The following NUP133 variants were observed in gnomAD, a reference collection of about 807,000 sequenced individuals.
The protein encoded by NUP133 is nuclear pore complex protein Nup133.
NUP133 carries 66 observed loss-of-function variants against 146.2 expected under a neutral mutation model. The observed-to-expected ratio is 0.45, with a 90% CI of 0.37 to 0.55. NUP133 has a LOEUF of 0.55. Ranked by LOEUF, NUP133 falls within the 20% of genes least tolerant of loss-of-function variation. The probability of loss-of-function intolerance (pLI) is 0.00; values close to 1 mark genes in which losing one functional copy is unlikely to be tolerated. For synonymous variants in NUP133, 521 were observed against 498.8 expected (o/e 1.04, Z -0.59); for missense variants, 1,277 against 1,374.8 (o/e 0.93, Z 1.12).
In NUP133 at chr1:229,465,420, C is replaced by T. The variant is rs61824300; in HGVS notation, c.2299G>A (p.Ala767Thr). The T allele has an allele frequency of 6.3e-7, 1 of 1,588,726 alleles. No individual in the cohort carries two copies. The change falls in exon 17 of 26, where the codon GCA (alanine) becomes ACA (threonine). Residue 767 changes from alanine to threonine, a missense_variant and splice_region_variant. Coordinates refer to ENST00000261396, the MANE Select transcript of NUP133 (RefSeq NM_018230.3). ...EKEPEYVPWT[A>T]TSGPGGIRTV... ...AACTGTTAATAAATCAGTATATTAC[C>T]CGTCCATGGAACATATTCAGGTTCT... is the stretch of plus-strand genomic sequence containing the variant.
rs1245190989 is a variant in NUP133 at position 229,508,211 on chromosome 1, G to A, written c.39C>T (p.Thr13=). 1.9e-6 allele frequency: 3 copies of A among 1,552,498 alleles called. No homozygotes were observed. Among genetic ancestry groups the A allele is most frequent in the South Asian group, 1.2e-5 (1 of 84,840 alleles). ...PAAPSPRTPG[T]GSRRGPLAGL... is the part of the protein sequence containing the mutation. ...CGGCCAGCGGGCCCCTTCGGGACCC[G>A]GTACCCGGGGTCCGCGGAGAAGGGG... Residue 13 remains threonine (T), a synonymous_variant, in exon 1 of 26, where the codon ACC becomes ACT. Coordinates refer to ENST00000261396, the MANE Select transcript of NUP133 (RefSeq NM_018230.3).
intron 9 of NUP133, 119 bp downstream of exon 9, chr1:229,489,836 A>G: frequency 1.2e-6 from 1 of 856,802 alleles, no homozygotes. Context: ...AGATCAAGCC[A>G]CTGCACTCCA....
intron 9 of NUP133, 37 bp from the exon 10 acceptor site, chr1:229,487,650 TA>T: frequency 6.8e-7 from 1 of 1,460,804 alleles, no homozygotes; most frequent in Non-Finnish European, 9.4e-7. Context: ...TAACAAGAAG[TA>T]AAACAAAAAT....
chr1:229,500,576 A>G (rs889375189), intron 4 of NUP133, among the ~76,000 whole-genome samples, 180 bp downstream of exon 4: 9 of 152,250 alleles, frequency 5.9e-5, no homozygotes, highest in Non-Finnish European at 2.9e-5. Context: ...ATGTGGATCT[A>G]TAACTGTATT....
At chr1:229,457,263 T>C (rs1396039704) in intron 21 of NUP133, among the ~76,000 whole-genome samples, 1 of 152,182 alleles carries the variant, frequency 6.6e-6, no homozygotes, top group Non-Finnish European at 1.5e-5. Flanking sequence ...AAATATATTG[T>C]TTTTAAAAAT....
chr1:229,451,485 A>C (rs747874438), intron 22 of NUP133, among the ~76,000 whole-genome samples: 20 of 152,244 alleles, frequency 1.3e-4, no homozygotes, highest in Non-Finnish European at 2.4e-4. Context: ...CATGTTACCA[A>C]CACTTATCCC....
intron 14 of NUP133, among the ~76,000 whole-genome samples, chr1:229,472,422 T>C (rs1372413147): frequency 6.6e-6 from 1 of 150,628 alleles, no homozygotes; most frequent in East Asian, 2.0e-4. Context: ...AAGCAATGGC[T>C]CTAGATTAAA....
chr1:229,484,550 C>T (rs112272322), intron 11 of NUP133, among the ~76,000 whole-genome samples: 2 of 152,226 alleles, frequency 1.3e-5, no homozygotes, highest in African/African-American at 4.8e-5. Context: ...CAAAGTCATA[C>T]AGAAAAGGTA....
At chr1:229,501,929 A>T (rs1661811378) in intron 3 of NUP133, 70 bp downstream of exon 3, 1 of 1,122,186 alleles carries the variant, frequency 8.9e-7, no homozygotes, top group Non-Finnish European at 1.3e-6. Context: ...TAAAAAAATT[A>T]GGGTAAAAAT....
At position 229,501,995 on chromosome 1, in the gene NUP133, T is replaced by C. The variant is rs1416668732; in HGVS notation, c.405+4A>G. On this transcript the variant is annotated splice_donor_region_variant and intron_variant, in intron 3 of 25. Coordinates refer to ENST00000261396, the MANE Select transcript of NUP133 (RefSeq NM_018230.3). ...CTTGTTCCAGCTCTCTAAAGAGCCA[T>C]TACCTTAGTAATAGGTGACAGAGCA... 1 of 1,597,820 alleles carries C rather than the reference T, an allele frequency of 6.3e-7. No homozygotes were observed. Among genetic ancestry groups the C allele is most frequent in the Non-Finnish European group, 8.6e-7 (1 of 1,165,200 alleles).
intron 24 of NUP133, among the ~76,000 whole-genome samples, chr1:229,448,241 A>C (rs1660358346): frequency 6.6e-6 from 1 of 152,128 alleles, no homozygotes; most frequent in Admixed American, 6.6e-5. Context: ...GCAGCCTGAC[A>C]AACATGGTGA....
chr1:229,499,115 G>C (rs928779750), intron 5 of NUP133: 14 of 460,504 alleles, frequency 3.0e-5, no homozygotes, highest in African/African-American at 2.6e-4. Flanking sequence ...GCGCAGGCTA[G>C]TCTTGAACTC....
chr1:229,465,892 C>CAAAAAAAAA (rs71561801), intron 16 of NUP133, among the ~76,000 whole-genome samples: 1 of 77,362 alleles, frequency 1.3e-5, no homozygotes. Context: ...CCATGTCTCA[C>CAAAAAAAAA]AAAAAAAAAA....
At position 229,477,748 on chromosome 1, in the gene NUP133, A is replaced by T. The variant is rs1661112787; in HGVS notation, c.1605T>A (p.Gly535=). The part of the protein sequence containing the change: ...AFLQYCRKDL[G]HAQMVVDELF... ...GCTCATCAACCACCATTTGAGCATG[A>T]CCTAAATCTTTTCTGAAATAAAATT... Residue 535 remains glycine, a synonymous_variant, in exon 13 of 26, where the codon GGT becomes GGA. Coordinates refer to ENST00000261396, the MANE Select transcript of NUP133 (RefSeq NM_018230.3). 22 of 1,605,166 alleles carry T rather than the reference A, an allele frequency of 1.4e-5. No homozygotes were observed. The highest frequency in any genetic ancestry group is 1.9e-5 in the Non-Finnish European group (22 of 1,175,462).
At position 229,506,467 on chromosome 1, in the gene NUP133, T is replaced by C. The variant is rs549447402; in HGVS notation, c.183-309A>G. ...GACCAGTGTTTTTTTTTTTTTTTTT[T>C]CAAACAGCGGGTCATTTTGCAGATC... On this transcript the variant is annotated intron_variant, in intron 1 of 25. Coordinates refer to ENST00000261396, the MANE Select transcript of NUP133 (RefSeq NM_018230.3). 2.8e-3 allele frequency among the ~76,000 whole-genome samples: 429 copies of C among 151,238 alleles called. 2 individuals are homozygous for C. The highest frequency in any genetic ancestry group is 9.1e-3 in the African/African-American group (376 of 41,272).
chr1:229,465,892 C>CAAAAAAAAAAAA (rs71561801), intron 16 of NUP133, among the ~76,000 whole-genome samples: 2 of 77,300 alleles, frequency 2.6e-5, no homozygotes, highest in African/African-American at 8.7e-5. Context: ...CCATGTCTCA[C>CAAAAAAAAAAAA]AAAAAAAAAA....
chr1:229,442,711 GTTCT>G (rs1267105327), intron 25 of NUP133, among the ~76,000 whole-genome samples: 2 of 140,764 alleles, frequency 1.4e-5, no homozygotes, highest in African/African-American at 2.7e-5. Flanking sequence ...TCATTTTTTG[GTTCT>G]TTTTTTTTTT....
chr1:229,495,615 A>AT, intron 7 of NUP133, 50 bp from the exon 8 acceptor site: 1 of 1,362,858 alleles, frequency 7.3e-7, no homozygotes, highest in South Asian at 1.2e-5. Context: ...GGAATGATTT[A>AT]TTTTCACCTT....
chr1:229,458,165 A>G lies in NUP133; in HGVS notation c.2976T>C (p.Ile992=), dbSNP rs1202430586. The G allele has an allele frequency of 6.2e-7, 1 of 1,608,018 alleles. No individual in the cohort carries two copies. Among genetic ancestry groups the G allele is most frequent in the Admixed American group, 1.7e-5 (1 of 58,772 alleles). ...DFSEDMLQEK[I]EEMAEQERFL... ...CTTTTGCTCAAATTCTTTCACCTTCAATTTTTTCTTGTAGCATATCCTCTG... is the reference window on the plus strand; with the variant it reads ...CTTTTGCTCAAATTCTTTCACCTTCGATTTTTTCTTGTAGCATATCCTCTG... The change falls in exon 21 of 26, where the codon ATT becomes ATC. Residue 992 remains isoleucine, a synonymous_variant. Transcript: ENST00000261396.
Sources: allele counts gnomAD v4.1 joint callset (sites outside exome capture counted in the v4.1 genomes callset), GRCh38; gene constraint gnomAD v4.1.1; transcripts MANE v1.5; gene names NCBI Gene and HGNC (gene_info 2026-07-23, HGNC 2026-07-21).